The following MERTK variants were observed in gnomAD, a reference collection of about 807,000 sequenced individuals.
MERTK encodes MER proto-oncogene, tyrosine kinase, also known as tyrosine-protein kinase Mer.
MERTK carries 69 observed loss-of-function variants against 99.3 expected under a neutral mutation model. The observed-to-expected ratio is 0.70, with a 90% CI of 0.57 to 0.85. MERTK has a LOEUF of 0.85. MERTK is among the 40% of genes least tolerant of loss of function. The probability of loss-of-function intolerance (pLI) is 0.00; values close to 1 mark genes in which losing one functional copy is unlikely to be tolerated. For synonymous variants in MERTK, 426 were observed against 467.6 expected, an observed-to-expected ratio of 0.91 and a Z score of 1.15; for missense variants, 1,125 against 1,249.4, an observed-to-expected ratio of 0.90 and a Z score of 1.50.
intron 13 of MERTK, among the ~76,000 whole-genome samples, chr2:112,008,016 A>G (rs535092932): frequency 6.6e-6 from 1 of 152,136 alleles, no homozygotes; most frequent in African/African-American, 2.4e-5. Context: ...AGTGAGCTGC[A>G]TTTTTTGCAA....
At chr2:111,964,259 G>T (rs554006909) in intron 4 of MERTK, among the ~76,000 whole-genome samples, 3 of 151,862 alleles carry the variant, frequency 2.0e-5, no homozygotes, top group African/African-American at 4.8e-5. Context: ...TCTTCTTTGG[G>T]TTATAATCCA....
chr2:111,945,333 A>G (rs1684944838), intron 3 of MERTK, among the ~76,000 whole-genome samples: 3 of 152,260 alleles, frequency 2.0e-5, no homozygotes, highest in African/African-American at 2.4e-5. Context: ...TCCACAGATT[A>G]TTGACAATAA....
intron 4 of MERTK, among the ~76,000 whole-genome samples, chr2:111,956,540 C>A (rs1558785562): frequency 6.6e-6 from 1 of 152,088 alleles, no homozygotes; most frequent in Admixed American, 6.5e-5. Context: ...TATTAATATC[C>A]TTGTAATAAC....
chr2:112,004,054 G>A (rs994582763), intron 13 of MERTK, 70 bp downstream of exon 13: 12 of 1,334,764 alleles, frequency 9.0e-6, no homozygotes, highest in Middle Eastern at 1.8e-4. Flanking sequence ...GCTCCATGAG[G>A]CCATATGTCA....
At chr2:111,913,961 G>A (rs1335591073) in intron 1 of MERTK, among the ~76,000 whole-genome samples, 1 of 151,546 alleles carries the variant, frequency 6.6e-6, no homozygotes, top group Non-Finnish European at 1.5e-5. Context: ...TTGCTTTATT[G>A]CATTGGTTAC....
chr2:111,956,880 TA>T (rs1685157093), intron 4 of MERTK, among the ~76,000 whole-genome samples: 1 of 151,968 alleles, frequency 6.6e-6, no homozygotes, highest in Non-Finnish European at 1.5e-5. Context: ...GCATTTTTAA[TA>T]CCCATTTTAC....
At chr2:111,995,179 A>C (rs962182215) in intron 9 of MERTK, 1 of 155,510 alleles carries the variant, frequency 6.4e-6, no homozygotes, top group Non-Finnish European at 1.4e-5. Context: ...AATATTTCCT[A>C]TGGAAGCCAT....
intron 18 of MERTK, chr2:112,028,119 C>A (rs6723394): frequency 3.1e-5 from 18 of 576,760 alleles, no homozygotes; most frequent in Non-Finnish European, 5.5e-5. Context: ...TTAGATATAA[C>A]TGCCACATAT....
At chr2:111,953,235 A>G (rs906463734) in intron 4 of MERTK, among the ~76,000 whole-genome samples, 2 of 152,208 alleles carry the variant, frequency 1.3e-5, no homozygotes, top group Non-Finnish European at 2.9e-5. Flanking sequence ...CAGCTGTTCT[A>G]GAGTTTTTAG....
At chr2:111,974,019 A>G (rs534420529) in intron 6 of MERTK, among the ~76,000 whole-genome samples, 4 of 150,768 alleles carry the variant, frequency 2.7e-5, no homozygotes, top group East Asian at 3.9e-4. Context: ...AAAGCCAAGA[A>G]TCTACATTTC....
chr2:111,950,182 C>T (rs151068788), intron 4 of MERTK, among the ~76,000 whole-genome samples: 23 of 152,248 alleles, frequency 1.5e-4, no homozygotes, highest in Middle Eastern at 6.8e-3. Context: ...ATGATCCGAC[C>T]GCCTCCACCT....
intron 1 of MERTK, among the ~76,000 whole-genome samples, chr2:111,914,105 T>TTTTTTTTTTTTTTTTTTTTTTTTC (rs1684303976): frequency 9.0e-6 from 1 of 111,580 alleles, no homozygotes; most frequent in Non-Finnish European, 1.7e-5. Flanking sequence ...TTCTTTCTTT[T>TTTTTTTTTTTTTTTTTTTTTTTTC]TTTTTTTTTT....
intron 10 of MERTK, among the ~76,000 whole-genome samples, chr2:111,998,603 G>A: frequency 6.6e-6 from 1 of 152,174 alleles, no homozygotes; most frequent in East Asian, 1.9e-4. Context: ...GCTGCATTAA[G>A]AAAGTCAGGG....
In MERTK at chr2:111,965,266, T is replaced by A; in HGVS notation, c.833T>A (p.Ile278Asn). Residue 278 changes from isoleucine (I) to asparagine (N), a missense_variant, in exon 5 of 19, where the codon ATC (isoleucine) becomes AAC (asparagine). Transcript: ENST00000295408. ...KGLTVSKGVQINIKAIPSPPT... is the reference protein window; with the variant it reads ...KGLTVSKGVQNNIKAIPSPPT... ...CTGACCGTGTCCAAGGGAGTGCAGA[T>A]CAACATCAAAGGTAAGCAGCAAGGC... is the stretch of plus-strand genomic sequence containing the variant. 6.2e-7 allele frequency: 1 copy of A among 1,614,142 alleles called. No individual in the cohort carries two copies.
At chr2:111,964,043 C>CTTTTTT (rs56693776) in intron 4 of MERTK, among the ~76,000 whole-genome samples, 18 of 103,870 alleles carry the variant, frequency 1.7e-4, no homozygotes, top group African/African-American at 3.2e-4. Context: ...AATTTTCTTT[C>CTTTTTT]TTTTTTTTTT....
chr2:112,027,131 T>C (rs912635580), intron 18 of MERTK, among the ~76,000 whole-genome samples: 1 of 151,726 alleles, frequency 6.6e-6, no homozygotes, highest in African/African-American at 2.4e-5. Context: ...CTTCGTCTTA[T>C]TAAAAAAATA....
intron 13 of MERTK, among the ~76,000 whole-genome samples, chr2:112,006,795 T>G (rs1378977034): frequency 1.3e-5 from 2 of 152,210 alleles, no homozygotes; most frequent in Non-Finnish European, 2.9e-5. Context: ...CCTGGTTGTT[T>G]GCAGCAAAAG....
At chr2:111,904,239 G>C (rs1233431107) in intron 1 of MERTK, among the ~76,000 whole-genome samples, 1 of 152,078 alleles carries the variant, frequency 6.6e-6, no homozygotes, top group Non-Finnish European at 1.5e-5. Context: ...CTCTCAGGAA[G>C]GTATAAAAAT....
At chr2:112,018,362 T>C (rs1009442008) in intron 15 of MERTK, among the ~76,000 whole-genome samples, 3 of 152,182 alleles carry the variant, frequency 2.0e-5, no homozygotes, top group Admixed American at 6.5e-5. Flanking sequence ...ACCCAAATCC[T>C]TTCCTGGAAA....
Sources: allele counts gnomAD v4.1 joint callset (sites outside exome capture counted in the v4.1 genomes callset), GRCh38; gene constraint gnomAD v4.1.1; transcripts MANE v1.5; gene names NCBI Gene and HGNC (gene_info 2026-07-23, HGNC 2026-07-21).